RCSD1: variants seen among roughly 807,000 people sequenced by gnomAD.
RCSD1 encodes the protein RCSD domain containing 1.
A neutral mutation model predicts 42.5 loss-of-function variants in RCSD1; 26 were observed. The ratio of observed to expected loss-of-function variants is 0.61; its 90% CI spans 0.45 to 0.85. RCSD1 has a LOEUF of 0.85. RCSD1 is among the 40% of genes least tolerant of loss of function. RCSD1 has a pLI of 0.00. For synonymous variants in RCSD1, 220 were observed against 212.2 expected, an observed-to-expected ratio of 1.04 and a Z score of -0.32; for missense variants, 571 against 528.3, an observed-to-expected ratio of 1.08 and a Z score of -0.79.
chr1:167,673,132 G>A (rs577531096), intron 1 of RCSD1, among the ~76,000 whole-genome samples: 2 of 152,256 alleles, frequency 1.3e-5, no homozygotes, highest in East Asian at 3.9e-4. Flanking sequence ...CCTGCATTAG[G>A]CAATGGGAGA....
At chr1:167,652,705 A>T (rs368744068) in intron 1 of RCSD1, among the ~76,000 whole-genome samples, 2 of 152,074 alleles carry the variant, frequency 1.3e-5, no homozygotes, top group Admixed American at 1.3e-4. Flanking sequence ...GGCACAAAGC[A>T]TGGGGGATTT....
chr1:167,663,188 C>A (rs1331043168), intron 1 of RCSD1, among the ~76,000 whole-genome samples: 2 of 152,228 alleles, frequency 1.3e-5, no homozygotes, highest in Non-Finnish European at 2.9e-5. Flanking sequence ...CGTAGTCCCA[C>A]TCCCTAGACC....
chr1:167,676,239 C>T (rs928074992), intron 1 of RCSD1, among the ~76,000 whole-genome samples: 3 of 152,212 alleles, frequency 2.0e-5, no homozygotes, highest in African/African-American at 4.8e-5. Context: ...GGCTCAAAGC[C>T]TGAGCTCTGT....
chr1:167,639,647 T>A (rs1372675351), intron 1 of RCSD1, among the ~76,000 whole-genome samples: 2 of 152,158 alleles, frequency 1.3e-5, no homozygotes, highest in African/African-American at 2.4e-5. Context: ...CGCCTGCCAC[T>A]GTGCTCAGCT....
intron 1 of RCSD1, among the ~76,000 whole-genome samples, chr1:167,632,124 C>T (rs1226768135): frequency 1.3e-5 from 2 of 152,244 alleles, no homozygotes; most frequent in Non-Finnish European, 2.9e-5. Flanking sequence ...ACAGGGTTCT[C>T]TCTGAGCTGG....
intron 1 of RCSD1, among the ~76,000 whole-genome samples, chr1:167,637,248 TAAG>T (rs1339186918): frequency 2.6e-5 from 4 of 152,116 alleles, no homozygotes; most frequent in Non-Finnish European, 5.9e-5. Context: ...TGGGAAATAA[TAAG>T]TAGTTCATTC....
intron 1 of RCSD1, chr1:167,664,566 C>CA (rs1228900338): frequency 6.6e-6 from 1 of 152,202 alleles, no homozygotes; most frequent in Non-Finnish European, 1.5e-5. Context: ...CAAATGTATA[C>CA]AGTCATATAG....
At chr1:167,704,498 G>A (rs1453812421) in intron 6 of RCSD1, among the ~76,000 whole-genome samples, 166 bp from the exon 7 acceptor site, 1 of 142,242 alleles carries the variant, frequency 7.0e-6, no homozygotes, top group Non-Finnish European at 1.6e-5. Flanking sequence ...ATAAGTCAAT[G>A]CATAAAAAAA....
chr1:167,647,552 C>A (rs1013353460), intron 1 of RCSD1, among the ~76,000 whole-genome samples: 4 of 152,070 alleles, frequency 2.6e-5, no homozygotes, highest in Admixed American at 1.3e-4. Context: ...GAGACCTCAT[C>A]TCTAAAATAA....
At chr1:167,687,950 T>C (rs1659275889) in intron 3 of RCSD1, among the ~76,000 whole-genome samples, 1 of 152,242 alleles carries the variant, frequency 6.6e-6, no homozygotes, top group Admixed American at 6.5e-5. Context: ...ATCTGGAAAT[T>C]AGTCCGTAGT....
intron 1 of RCSD1, among the ~76,000 whole-genome samples, chr1:167,678,873 A>G (rs1659013011): frequency 1.3e-5 from 2 of 152,196 alleles, no homozygotes; most frequent in African/African-American, 4.8e-5. Flanking sequence ...TCTGCTCAGA[A>G]CAATTTTCCT....
At chr1:167,689,959 T>C in intron 3 of RCSD1, 90 bp from the exon 4 acceptor site, 8 of 1,258,988 alleles carry the variant, frequency 6.4e-6, no homozygotes, top group Non-Finnish European at 9.2e-6. Flanking sequence ...CAACTTCTCT[T>C]CTCCTTCTGC....
intron 1 of RCSD1, among the ~76,000 whole-genome samples, chr1:167,654,904 A>G (rs1285969127): frequency 2.0e-5 from 3 of 152,168 alleles, no homozygotes; most frequent in Non-Finnish European, 2.9e-5. Context: ...CAGGGGAGAC[A>G]GAATCCGACA....
chr1:167,705,153 C>T lies in RCSD1; in HGVS notation c.*457C>T, dbSNP rs1010337393. 1 of 153,060 alleles carries T rather than the reference C, an allele frequency of 6.5e-6. No individual in the cohort carries two copies. The highest frequency in any genetic ancestry group is 2.4e-5 in the African/African-American group (1 of 41,394). 9.5% of individuals were successfully genotyped at this position (153,060 alleles called of 1,614,324 possible). A position where few individuals can be genotyped will look rare whatever the true frequency, so the allele number is the denominator to read the frequency against. ...AATGTTCTAAAGTGTTTACGGTTCT[C>T]AAATATCAGTTAAAAACTAATTTTA... On this transcript the variant is annotated 3_prime_UTR_variant, in exon 7 of 7. Coordinates refer to ENST00000367854, the MANE Select transcript of RCSD1 (RefSeq NM_052862.4).
chr1:167,684,130 G>A, intron 2 of RCSD1, 129 bp downstream of exon 2: 1 of 718,250 alleles, frequency 1.4e-6, no homozygotes, highest in South Asian at 1.7e-5. Context: ...GCCAGGGGCT[G>A]GAGGGGTTTC....
At chr1:167,675,346 G>A (rs149822314) in intron 1 of RCSD1, among the ~76,000 whole-genome samples, 27 of 152,086 alleles carry the variant, frequency 1.8e-4, no homozygotes, top group African/African-American at 5.8e-4. Flanking sequence ...GCAAAGACAC[G>A]GCCTACATGG....
rs546144843 is a variant in RCSD1, at chr1:167,702,527, A to C, written c.1219-2137A>C. ...GGCGTGGTGGCTCACACCTGTAATCACAGCACTTTGGGAGGCTGAGGCGGG... is the reference window on the plus strand; with the variant it reads ...GGCGTGGTGGCTCACACCTGTAATCCCAGCACTTTGGGAGGCTGAGGCGGG... On this transcript the variant is annotated intron_variant, in intron 6 of 6. Transcript: ENST00000367854. Among the ~76,000 whole-genome samples, 7 of 152,290 alleles carry C rather than the reference A, an allele frequency of 4.6e-5. No individual in the cohort carries two copies. The East Asian group carries it at 1.4e-3, about 29-fold the overall frequency.
chr1:167,673,999 C>T (rs1017348491), intron 1 of RCSD1, among the ~76,000 whole-genome samples: 9 of 152,200 alleles, frequency 5.9e-5, no homozygotes, highest in Admixed American at 5.9e-4. Flanking sequence ...CAGCAATGGC[C>T]TGTTTTCATT....
chr1:167,703,419 C>T (rs986711230), intron 6 of RCSD1, among the ~76,000 whole-genome samples: 66 of 152,094 alleles, frequency 4.3e-4, no homozygotes, highest in Non-Finnish European at 1.0e-4. Context: ...TTTAGGAGGC[C>T]GAGGCATGAG....
Sources: allele counts gnomAD v4.1 joint callset (sites outside exome capture counted in the v4.1 genomes callset), GRCh38; gene constraint gnomAD v4.1.1; transcripts MANE v1.5; gene names NCBI Gene and HGNC (gene_info 2026-07-23, HGNC 2026-07-21).